The following DENND4C variants were observed in gnomAD, a reference collection of about 807,000 sequenced individuals.
DENND4C encodes DENN domain-containing protein 4C.
DENND4C carries 108 observed loss-of-function variants against 203.0 expected under a neutral mutation model. That is an observed-to-expected ratio of 0.53 (90% CI 0.46 to 0.62). The LOEUF (loss-of-function observed/expected upper bound fraction) is 0.62. Among genes scored for constraint, DENND4C ranks in the 20% least tolerant of loss-of-function variants. The pLI, the probability that DENND4C is intolerant of heterozygous loss-of-function variation, is 0.00. For missense variants in DENND4C, 2,481 were observed against 2,301.2 expected, an observed-to-expected ratio of 1.08 and a Z score of -1.60; for synonymous variants, 871 against 792.4, an observed-to-expected ratio of 1.10 and a Z score of -1.67.
rs1345891951 is a variant in DENND4C at position 19,371,830 on chromosome 9, T to C, written c.5740+10T>C. 3.5e-6 allele frequency: 5 copies of C among 1,429,120 alleles called. No homozygotes were observed. Among genetic ancestry groups the C allele is most frequent in the Non-Finnish European group, 4.8e-6 (5 of 1,032,582 alleles). The allele number at this position is 1,429,120 out of a possible 1,614,324, so 88.5% of individuals were successfully genotyped here. A position where few individuals can be genotyped will look rare whatever the true frequency, so the allele number is the denominator to read the frequency against. ...GAGAATATTGATATTGGTAAGTTGG[T>C]TAATAAAAGATTATGAAAGGAAGTT... is the stretch of plus-strand genomic sequence containing the variant. On this transcript the variant is annotated intron_variant, in intron 32 of 32. Coordinates refer to ENST00000434457, the MANE Select transcript of DENND4C (RefSeq NM_001330640.2).
rs745334842 is a variant in DENND4C at position 19,297,512 on chromosome 9, A to G, written c.1041-544A>G. 1.1e-4 allele frequency among the ~76,000 whole-genome samples: 17 copies of G among 152,326 alleles called. No individual in the cohort carries two copies. The South Asian group carries it at 1.4e-3, about 13-fold the overall frequency. Reference sequence around the variant, plus strand: ...CAACCTTTTGAAAAATTAAGATTCTATGAATAGCTTGTGATAAAATCAATG... The same window carrying G: ...CAACCTTTTGAAAAATTAAGATTCTGTGAATAGCTTGTGATAAAATCAATG... On this transcript the variant is annotated intron_variant, in intron 6 of 32. Transcript: ENST00000434457.
intron 16 of DENND4C, among the ~76,000 whole-genome samples, chr9:19,330,644 T>C (rs372842496): frequency 1.3e-5 from 2 of 150,494 alleles, no homozygotes; most frequent in African/African-American, 2.4e-5. Context: ...AGCCCCAAGA[T>C]TTTTTTATTT....
intron 10 of DENND4C, among the ~76,000 whole-genome samples, chr9:19,311,461 G>A (rs1007007600): frequency 3.3e-5 from 5 of 152,096 alleles, no homozygotes; most frequent in African/African-American, 9.7e-5. Flanking sequence ...TGCTAACTCC[G>A]TTGAATTGTG....
rs773584191 is a variant in DENND4C at position 19,357,092 on chromosome 9, T to G, written c.4902T>G (p.Phe1634Leu). Residue 1634 changes from phenylalanine to leucine, a missense_variant, in exon 27 of 33, where the codon TTT (phenylalanine) becomes TTG (leucine). Physicochemically the swap from Phe to Leu is conservative, Grantham distance 22. This residue lies in a region of DENND4C where 2,289 missense variants were observed against 2,113.3 expected (regional missense o/e 1.08). Coordinates refer to ENST00000434457, the MANE Select transcript of DENND4C (RefSeq NM_001330640.2). ...SSLAEPDLINFMDFPKHNQII... is the reference protein window; with the variant it reads ...SSLAEPDLINLMDFPKHNQII... The stretch of plus-strand genomic sequence containing the variant: ...TAGCAGAACCTGACTTGATCAACTT[T>G]ATGGACTTCCCAAAACATAACCAGA... 12 of 1,613,926 alleles carry G rather than the reference T, an allele frequency of 7.4e-6. No homozygotes were observed. The South Asian group carries it at 1.3e-4, about 18-fold the overall frequency.
chr9:19,357,400 C>T (rs1039544338), intron 27 of DENND4C: 8 of 420,800 alleles, frequency 1.9e-5, no homozygotes, highest in Non-Finnish European at 3.0e-5. Context: ...AAAATATTTC[C>T]CTTTTAATAT....
intron 16 of DENND4C, among the ~76,000 whole-genome samples, chr9:19,331,276 C>T (rs1395444241): frequency 6.6e-6 from 1 of 150,662 alleles, no homozygotes; most frequent in Non-Finnish European, 1.5e-5. Context: ...AATCTCAGCT[C>T]ACTGCAACTT....
intron 9 of DENND4C, among the ~76,000 whole-genome samples, chr9:19,304,979 G>A (rs1237121250): frequency 6.6e-6 from 1 of 151,452 alleles, no homozygotes; most frequent in Non-Finnish European, 1.5e-5. Context: ...AGAATTAATA[G>A]GTGAATGAAA....
At chr9:19,252,146 T>C (rs895135107) in intron 1 of DENND4C, among the ~76,000 whole-genome samples, 1 of 152,134 alleles carries the variant, frequency 6.6e-6, no homozygotes, top group Non-Finnish European at 1.5e-5. Flanking sequence ...TGGGGAGGCC[T>C]CACAATCATG....
chr9:19,285,010 C>G (rs1412297736), intron 2 of DENND4C, among the ~76,000 whole-genome samples: 2 of 152,258 alleles, frequency 1.3e-5, no homozygotes, highest in South Asian at 2.1e-4. Context: ...ATGTTTAGAT[C>G]TGTGATCCAC....
At chr9:19,255,029 AGCGACTCGGGAGACT>A (rs1451431451) in intron 1 of DENND4C, among the ~76,000 whole-genome samples, 2 of 152,030 alleles carry the variant, frequency 1.3e-5, no homozygotes, top group Non-Finnish European at 2.9e-5. Flanking sequence ...CTGTAATTCC[AGCGACTCGGGAGACT>A]GAGGCAGGAG....
At chr9:19,293,878 T>C (rs1836876127) in intron 5 of DENND4C, among the ~76,000 whole-genome samples, 1 of 152,218 alleles carries the variant, frequency 6.6e-6, no homozygotes, top group South Asian at 2.1e-4. Context: ...AAATACTTTC[T>C]CTTCTGACTT....
intron 1 of DENND4C, among the ~76,000 whole-genome samples, chr9:19,233,606 G>A (rs1359404215): frequency 2.3e-5 from 3 of 131,424 alleles, no homozygotes; most frequent in African/African-American, 8.6e-5. Context: ...CGTCACCCAA[G>A]CTGGAGTGCA....
At chr9:19,335,861 T>C (rs1820347135) in intron 18 of DENND4C, among the ~76,000 whole-genome samples, 1 of 152,208 alleles carries the variant, frequency 6.6e-6, no homozygotes, top group Non-Finnish European at 1.5e-5. Context: ...TCATTTCTTT[T>C]GCATATCTAT....
intron 10 of DENND4C, among the ~76,000 whole-genome samples, chr9:19,306,370 A>G (rs555458913): frequency 6.6e-6 from 1 of 152,332 alleles, no homozygotes; most frequent in African/African-American, 2.4e-5. Flanking sequence ...CTATAACTTA[A>G]AATATAATTT....
intron 17 of DENND4C, among the ~76,000 whole-genome samples, chr9:19,332,859 CA>C (rs1395976612): frequency 4.0e-5 from 6 of 149,822 alleles, no homozygotes; most frequent in African/African-American, 1.5e-4. Flanking sequence ...CTTGGCCTCC[CA>C]AAGTGCAGGG....
intron 28 of DENND4C, among the ~76,000 whole-genome samples, chr9:19,359,302 A>C (rs1260688545): frequency 6.6e-6 from 1 of 151,706 alleles, no homozygotes; most frequent in Non-Finnish European, 1.5e-5. Context: ...GCTATTCCTA[A>C]ACTCCTGAGC....
chr9:19,356,251 T>C (rs192262369), intron 26 of DENND4C, among the ~76,000 whole-genome samples: 1 of 152,194 alleles, frequency 6.6e-6, no homozygotes, highest in African/African-American at 2.4e-5. Flanking sequence ...CCAAAGACTT[T>C]GATATGCATA....
Position 19,305,481 on chromosome 9 carries a change from C to G in DENND4C, c.1441C>G (p.Pro481Ala). 6.2e-7 allele frequency: 1 copy of G among 1,613,698 alleles called. No individual in the cohort carries two copies. The highest frequency in any genetic ancestry group is 8.5e-7 in the Non-Finnish European group (1 of 1,179,912). The change falls in exon 10 of 33, where the codon CCA becomes GCA. Residue 481 changes from proline to alanine, a missense_variant. Pro to Ala is a conservative substitution (Grantham distance 27). Around this residue, in one of 3 missense-constraint regions of DENND4C, gnomAD observed 2,289 missense variants for 2,113.3 expected, o/e 1.08. Transcript: ENST00000434457. ...DSRYFDLHDPPQDVVCIDLDT... is the reference protein window; with the variant it reads ...DSRYFDLHDPAQDVVCIDLDT... Reference sequence around the variant, plus strand: ...AAGGTATTTTGATCTTCATGACCCACCACAAGATGTTGTTTGCATTGACTT... The same window carrying G: ...AAGGTATTTTGATCTTCATGACCCAGCACAAGATGTTGTTTGCATTGACTT...
intron 1 of DENND4C, among the ~76,000 whole-genome samples, chr9:19,250,639 G>T (rs1158266316): frequency 6.6e-6 from 1 of 151,328 alleles, no homozygotes. Flanking sequence ...AAGCAAGTTA[G>T]TTACTTCCTG....
Sources: gnomAD v4.1 joint callset for allele counts (sites outside exome capture counted in the v4.1 genomes callset) on GRCh38, gnomAD v4.1.1 for gene constraint, gnomAD v4.1.1 regional missense constraint, MANE v1.5 for transcripts, NCBI Gene and HGNC (gene_info 2026-07-23, HGNC 2026-07-21) for gene names.